The following EMB variants were observed in gnomAD, a reference collection of about 807,000 sequenced individuals.
EMB encodes the protein embigin.
A neutral mutation model predicts 41.4 loss-of-function variants in EMB; 31 were observed. That is an observed-to-expected ratio of 0.75 (90% CI 0.56 to 1.01). EMB has a LOEUF of 1.01. Ranked by LOEUF, EMB falls within the 50% of genes least tolerant of loss-of-function variation. EMB has a pLI of 0.00. For synonymous variants in EMB, 137 were observed against 140.4 expected, an observed-to-expected ratio of 0.98 and a Z score of 0.17; for missense variants, 379 against 388.3, an observed-to-expected ratio of 0.98 and a Z score of 0.20.
rs988487904 is a variant in EMB, at chr5:50,441,171, G to A, written c.-20C>T. ...GCGCATGGCGCCAGAGGGTCCGCCT[G>A]GGTCCTCGTGGAGACTGCTCCCTCA... On this transcript the variant is annotated 5_prime_UTR_variant, in exon 1 of 9. Coordinates refer to ENST00000303221, the MANE Select transcript of EMB (RefSeq NM_198449.3). The A allele has an allele frequency of 2.1e-6, 3 of 1,420,518 alleles. No homozygotes were observed. The highest frequency in any genetic ancestry group is 3.0e-5 in the African/African-American group (2 of 67,740). 88.0% of individuals were successfully genotyped at this position (1,420,518 alleles called of 1,614,324 possible). A position where few individuals can be genotyped will look rare whatever the true frequency, so the allele number is the denominator to read the frequency against.
chr5:50,420,476 G>A (rs1745500990), intron 2 of EMB, among the ~76,000 whole-genome samples: 1 of 152,228 alleles, frequency 6.6e-6, no homozygotes, highest in Non-Finnish European at 1.5e-5. Context: ...GTGACTGATT[G>A]TCTCAGGTCA....
intron 1 of EMB, among the ~76,000 whole-genome samples, chr5:50,430,575 T>C (rs1245031650): frequency 1.5e-5 from 2 of 132,998 alleles, no homozygotes; most frequent in Non-Finnish European, 3.2e-5. Flanking sequence ...ATGTGGATCA[T>C]AATAGTAGGG....
chr5:50,429,834 C>A (rs896333599), intron 1 of EMB, among the ~76,000 whole-genome samples: 1 of 152,036 alleles, frequency 6.6e-6, no homozygotes, highest in African/African-American at 2.4e-5. Flanking sequence ...TTCATTCATT[C>A]ATTAATTCAT....
At chr5:50,417,951 T>C (rs1200079048) in intron 2 of EMB, among the ~76,000 whole-genome samples, 1 of 152,190 alleles carries the variant, frequency 6.6e-6, no homozygotes, top group Non-Finnish European at 1.5e-5. Context: ...TCAGTCACTG[T>C]TTTCCTCCAC....
chr5:50,437,699 T>C (rs1315741251), intron 1 of EMB, among the ~76,000 whole-genome samples: 1 of 152,106 alleles, frequency 6.6e-6, no homozygotes, highest in Non-Finnish European at 1.5e-5. Flanking sequence ...GGTGCTTGAA[T>C]AGTATTTGCT....
intron 2 of EMB, among the ~76,000 whole-genome samples, chr5:50,417,111 T>G (rs1745442099): frequency 6.6e-6 from 1 of 152,044 alleles, no homozygotes; most frequent in South Asian, 2.1e-4. Context: ...GAGCCAACCT[T>G]CTCGGGCTAA....
intron 2 of EMB, among the ~76,000 whole-genome samples, chr5:50,420,168 T>C (rs1745495124): frequency 6.6e-6 from 1 of 152,152 alleles, no homozygotes. Context: ...CCGGCACATG[T>C]ACCCCAGAAT....
chr5:50,414,528 CAAAAA>C (rs34645448), intron 2 of EMB, among the ~76,000 whole-genome samples: 2 of 46,692 alleles, frequency 4.3e-5, no homozygotes, highest in African/African-American at 7.6e-5. Flanking sequence ...CTGTCTCAGG[CAAAAA>C]AAAAAAAAAA....
rs867033015 is a variant in EMB, at chr5:50,432,772, C to T, written c.113-4545G>A. ...AAGTAAAAAAAAAAAAAAAAAAAAG[C>T]TTGTCAAAAAATTCTAGTTATCAGG... On this transcript the variant is annotated intron_variant, in intron 1 of 8. Coordinates refer to ENST00000303221, the MANE Select transcript of EMB (RefSeq NM_198449.3). 2.7e-3 allele frequency among the ~76,000 whole-genome samples: 351 copies of T among 129,564 alleles called. 2 individuals are homozygous for T. The highest frequency in any genetic ancestry group is 9.6e-3 in the African/African-American group (338 of 35,084). 85.0% of individuals were successfully genotyped at this position (129,564 alleles called of 152,430 possible).
chr5:50,419,883 C>T (rs1260912116), intron 2 of EMB, among the ~76,000 whole-genome samples: 1 of 152,152 alleles, frequency 6.6e-6, no homozygotes, highest in Admixed American at 6.6e-5. Context: ...TTTGCAGGGA[C>T]ATGGACGAAG....
chr5:50,428,103 C>T lies in EMB; in HGVS notation c.196+41G>A, dbSNP rs1561139139. 9 of 1,459,374 alleles carry T rather than the reference C, an allele frequency of 6.2e-6. No homozygotes were observed. The South Asian group carries it at 8.3e-5, about 13-fold the overall frequency. 90.4% of individuals were successfully genotyped at this position (1,459,374 alleles called of 1,614,324 possible). On this transcript the variant is annotated intron_variant, in intron 2 of 8. Coordinates refer to ENST00000303221, the MANE Select transcript of EMB (RefSeq NM_198449.3). ...TTGTTTAAGAAAAATTGCTTAAACC[C>T]TTTTTTTCGAATTGCATTATTTGAA...
chr5:50,404,995 C>T (rs1579721894), intron 5 of EMB, among the ~76,000 whole-genome samples: 1 of 151,966 alleles, frequency 6.6e-6, no homozygotes, highest in Non-Finnish European at 1.5e-5. Flanking sequence ...TTTAACGGGA[C>T]TTTAATTGTA....
At chr5:50,431,913 T>C (rs1259383684) in intron 1 of EMB, among the ~76,000 whole-genome samples, 3 of 152,218 alleles carry the variant, frequency 2.0e-5, no homozygotes, top group Non-Finnish European at 2.9e-5. Context: ...TTCTGTGAAA[T>C]AGCAAAATGG....
chr5:50,435,093 C>T lies in EMB; in HGVS notation c.112+5947G>A, dbSNP rs1811743. On this transcript the variant is annotated intron_variant, in intron 1 of 8. Transcript: ENST00000303221. ...TCTCAACTACTGTTTTAGTTTAATA[C>T]CTCGGTAAACTGAAGCTTTCTCAGG... Among the ~76,000 whole-genome samples, 700 of 152,238 alleles carry T rather than the reference C, an allele frequency of 4.6e-3. 5 individuals carry two copies. The highest frequency in any genetic ancestry group is 0.016 in the African/African-American group (668 of 41,524).
intron 1 of EMB, among the ~76,000 whole-genome samples, chr5:50,430,354 A>G (rs1745696799): frequency 6.6e-6 from 1 of 152,204 alleles, no homozygotes; most frequent in Non-Finnish European, 1.5e-5. Flanking sequence ...TATCCCTGAA[A>G]CAAGCCCATA....
rs376703205 is a variant in EMB at position 50,413,730 on chromosome 5, C to T, written c.197-2347G>A. Among the ~76,000 whole-genome samples, 316 of 152,168 alleles carry T rather than the reference C, an allele frequency of 2.1e-3. 3 individuals are homozygous for T. Among genetic ancestry groups the T allele is most frequent in the African/African-American group, 7.3e-3 (302 of 41,510 alleles). ...AGCTGGGATTACAGGCGCCTGCCAC[C>T]ATGCCTGGCTAATTTTTTTGTATTT... is the stretch of plus-strand genomic sequence containing the variant. On this transcript the variant is annotated intron_variant, in intron 2 of 8. Coordinates refer to ENST00000303221, the MANE Select transcript of EMB (RefSeq NM_198449.3).
rs576341693 is a variant in EMB at position 50,438,144 on chromosome 5, T to C, written c.112+2896A>G. Among the ~76,000 whole-genome samples the C allele has an allele frequency of 3.9e-5, 6 of 152,316 alleles. No individual in the cohort carries two copies. In the South Asian group the frequency reaches 1.2e-3, roughly 32 times the overall value. On this transcript the variant is annotated intron_variant, in intron 1 of 8. Coordinates refer to ENST00000303221, the MANE Select transcript of EMB (RefSeq NM_198449.3). ...ACAACTGGATATTGTGTTTAAGCAC[T>C]GTGTTTAGGAAAACAGGCACTGGAT...
intron 2 of EMB, among the ~76,000 whole-genome samples, chr5:50,412,774 G>T (rs1328478948): frequency 6.6e-6 from 1 of 151,818 alleles, no homozygotes; most frequent in Non-Finnish European, 1.5e-5. Flanking sequence ...GTTCCTCCCT[G>T]ACAGTTTGGC....
intron 4 of EMB, among the ~76,000 whole-genome samples, chr5:50,407,653 CATTT>C (rs1330522324): frequency 6.6e-6 from 1 of 151,940 alleles, no homozygotes; most frequent in African/African-American, 2.4e-5. Context: ...GGGAACATGA[CATTT>C]GTTTGAACTA....
Sources: gnomAD v4.1 joint callset for allele counts (sites outside exome capture counted in the v4.1 genomes callset) on GRCh38, gnomAD v4.1.1 for gene constraint, MANE v1.5 for transcripts, NCBI Gene and HGNC (gene_info 2026-07-23, HGNC 2026-07-21) for gene names.